Variants in ACTMAP observed in about 807,000 individuals in gnomAD.
The protein encoded by ACTMAP is actin maturation protease.
At chr19:40,746,746 G>A in the ACTMAP span, among the ~76,000 whole-genome samples, 1 of 151,996 alleles carries the variant, frequency 6.6e-6, no homozygotes, top group Non-Finnish European at 1.5e-5. Context: ...CTGACCTCAG[G>A]TGATCCACCC....
the ACTMAP span, chr19:40,742,846 T>C: frequency 7.2e-7 from 1 of 1,395,840 alleles, no homozygotes; most frequent in Non-Finnish European, 9.8e-7. Flanking sequence ...AGTTCCGCCC[T>C]CTCCCGGCCC....
chr19:40,742,331 T>C, the ACTMAP span: 1 of 1,219,940 alleles, frequency 8.2e-7, no homozygotes, highest in Non-Finnish European at 1.1e-6. Flanking sequence ...TGGAGACCCC[T>C]GAGACCTAGC....
the ACTMAP span, among the ~76,000 whole-genome samples, chr19:40,746,813 C>T: frequency 1.3e-5 from 2 of 150,558 alleles, no homozygotes; most frequent in Non-Finnish European, 3.0e-5. Context: ...GCCCGGCCTC[C>T]TTTTTTTTGT....
At chr19:40,742,241 G>T in the ACTMAP span, 1 of 719,988 alleles carries the variant, frequency 1.4e-6, no homozygotes, top group East Asian at 2.7e-5. Flanking sequence ...AGGCCGCAGG[G>T]TCCGGGCTGT....
the ACTMAP span, among the ~76,000 whole-genome samples, chr19:40,746,484 TC>T: frequency 1.3e-5 from 2 of 152,192 alleles, no homozygotes; most frequent in East Asian, 1.9e-4. Context: ...CACGCCATTC[TC>T]CTGCCTCAGC....
chr19:40,747,461 C>G, the ACTMAP span, among the ~76,000 whole-genome samples: 1 of 151,932 alleles, frequency 6.6e-6, no homozygotes, highest in African/African-American at 2.4e-5. Context: ...TCGCTTGAAC[C>G]CGGGAGGCAG....
At chr19:40,743,511 G>C in the ACTMAP span, among the ~76,000 whole-genome samples, 3,051 of 152,248 alleles carry the variant, frequency 0.02, 39 homozygotes, top group Non-Finnish European at 0.029. Flanking sequence ...GGGATTACAG[G>C]CGTGAGCCAC....
the ACTMAP span, among the ~76,000 whole-genome samples, chr19:40,746,289 G>C: frequency 6.6e-6 from 1 of 151,862 alleles, no homozygotes; most frequent in African/African-American, 2.4e-5. Flanking sequence ...GTGCGATCTT[G>C]GCTCACCACA....
chr19:40,748,981 GCTCT>G, the ACTMAP span, among the ~76,000 whole-genome samples: 6 of 143,722 alleles, frequency 4.2e-5, no homozygotes, highest in African/African-American at 1.3e-4. Flanking sequence ...CTGGGCATTT[GCTCT>G]TTTTTTTTTT....
chr19:40,741,914 C>T, the ACTMAP span: 3 of 450,368 alleles, frequency 6.7e-6, no homozygotes, highest in African/African-American at 4.0e-5. Context: ...GGCTGCAGGA[C>T]TCTTCCCTGA....
chr19:40,748,984 CTTTTT>C, the ACTMAP span, among the ~76,000 whole-genome samples: 2 of 102,528 alleles, frequency 2.0e-5, no homozygotes, highest in African/African-American at 4.0e-5. Context: ...GGCATTTGCT[CTTTTT>C]TTTTTTTTTT....
the ACTMAP span, among the ~76,000 whole-genome samples, chr19:40,746,124 T>C: frequency 6.6e-6 from 1 of 152,220 alleles, no homozygotes; most frequent in Non-Finnish European, 1.5e-5. Flanking sequence ...ACAACATGCT[T>C]AAGGCCTAAA....
At chr19:40,749,879 G>C in the ACTMAP span, 2 of 1,170,218 alleles carry the variant, frequency 1.7e-6, no homozygotes, top group Non-Finnish European at 1.2e-6. Context: ...ACGGTCTCAG[G>C]GATGGAGATT....
At chr19:40,743,106 G>C in the ACTMAP span, among the ~76,000 whole-genome samples, 1 of 152,126 alleles carries the variant, frequency 6.6e-6, no homozygotes, top group African/African-American at 2.4e-5. Flanking sequence ...CCATGAAGAA[G>C]CTGAGCGGAG....
the ACTMAP span, among the ~76,000 whole-genome samples, chr19:40,747,090 A>C: frequency 7.9e-5 from 12 of 152,158 alleles, no homozygotes; most frequent in Non-Finnish European, 1.3e-4. Flanking sequence ...TATAGGCATG[A>C]GCCACCGTGC....
At chr19:40,742,211 G>C in the ACTMAP span, 1 of 697,146 alleles carries the variant, frequency 1.4e-6, no homozygotes, top group Non-Finnish European at 2.6e-6. Flanking sequence ...CAGACGATGC[G>C]ACATTCAGAT....
chr19:40,741,701 T>C, the ACTMAP span: 1 of 456,508 alleles, frequency 2.2e-6, no homozygotes, highest in Non-Finnish European at 4.4e-6. Context: ...GACCTTGCCA[T>C]GTGCTAGTCA....
the ACTMAP span, among the ~76,000 whole-genome samples, chr19:40,743,663 A>G: frequency 6.6e-6 from 1 of 152,148 alleles, no homozygotes; most frequent in Non-Finnish European, 1.5e-5. Flanking sequence ...AGAGTCACAG[A>G]GCCTAGAAGA....
chr19:40,744,355 C>T, the ACTMAP span, among the ~76,000 whole-genome samples: 1 of 152,164 alleles, frequency 6.6e-6, no homozygotes, highest in Non-Finnish European at 1.5e-5. Context: ...TTGTCCATGG[C>T]CCCAGCGAAG....
Sources: allele counts gnomAD v4.1 joint callset (sites outside exome capture counted in the v4.1 genomes callset), GRCh38; gene constraint gnomAD v4.1.1; transcripts MANE v1.5; gene names NCBI Gene and HGNC (gene_info 2026-07-23, HGNC 2026-07-21).